Variants in HERC3 observed in about 807,000 individuals in gnomAD.
HERC3 encodes probable E3 ubiquitin-protein ligase HERC3.
HERC3 carries 58 observed loss-of-function variants against 129.9 expected under a neutral mutation model. That is an observed-to-expected ratio of 0.45 (90% confidence interval 0.36 to 0.56). The LOEUF is 0.56. Among genes scored for constraint, HERC3 ranks in the 20% least tolerant of loss-of-function variants. HERC3 has a pLI of 0.00. For missense variants in HERC3, 835 were observed against 1,244.2 expected (o/e 0.67, Z 4.95); for synonymous variants, 430 against 451.0 (o/e 0.95, Z 0.59).
intron 3 of HERC3, among the ~76,000 whole-genome samples, chr4:88,610,236 C>T (rs187420692): frequency 6.6e-6 from 1 of 152,184 alleles, no homozygotes; most frequent in Admixed American, 6.5e-5. Flanking sequence ...GGGTGGATAA[C>T]GAGGTCAGGA....
chr4:88,682,734 T>C (rs1472534735), intron 21 of HERC3, among the ~76,000 whole-genome samples: 2 of 152,182 alleles, frequency 1.3e-5, no homozygotes, highest in Non-Finnish European at 2.9e-5. Flanking sequence ...GTTGGACATT[T>C]GGGTTGATTC....
chr4:88,657,756 C>T (rs932807110), intron 9 of HERC3, among the ~76,000 whole-genome samples: 4 of 151,776 alleles, frequency 2.6e-5, no homozygotes, highest in African/African-American at 9.7e-5. Flanking sequence ...TGAGCTGTGC[C>T]TCGAAGGATG....
At chr4:88,624,300 G>C (rs1388457051) in intron 3 of HERC3, among the ~76,000 whole-genome samples, 3 of 152,156 alleles carry the variant, frequency 2.0e-5, no homozygotes, top group African/African-American at 7.2e-5. Context: ...TGAATTGCTG[G>C]TTCATATGGT....
chr4:88,664,247 G>A (rs1295649701), intron 12 of HERC3, 35 bp downstream of exon 12: 5 of 1,533,842 alleles, frequency 3.3e-6, no homozygotes, highest in South Asian at 1.1e-5. Context: ...ACCCTCACGT[G>A]TACCTGTAGT....
chr4:88,698,540 A>G (rs909717230), intron 23 of HERC3, among the ~76,000 whole-genome samples: 5 of 147,950 alleles, frequency 3.4e-5, no homozygotes, highest in Non-Finnish European at 7.5e-5. Flanking sequence ...GGCCTGTGGG[A>G]AGGACTAAAG....
the HERC3 span, among the ~76,000 whole-genome samples, chr4:88,525,925 G>A: frequency 6.6e-5 from 10 of 152,164 alleles, no homozygotes; most frequent in Admixed American, 3.9e-4. Context: ...TGTCACATAG[G>A]CCTGTGCACA....
At chr4:88,662,669 AT>A in intron 11 of HERC3, 114 bp downstream of exon 11, 1 of 1,109,620 alleles carries the variant, frequency 9.0e-7, no homozygotes, top group Non-Finnish European at 1.3e-6. Context: ...GGGGTTTTAC[AT>A]TATAGGGAAT....
the HERC3 span, among the ~76,000 whole-genome samples, chr4:88,549,414 T>C: frequency 1.3e-5 from 2 of 152,128 alleles, no homozygotes; most frequent in Non-Finnish European, 2.9e-5. Context: ...ATCACCCAAA[T>C]AGTGAACATA....
At chr4:88,536,085 C>T in the HERC3 span, among the ~76,000 whole-genome samples, 1 of 152,114 alleles carries the variant, frequency 6.6e-6, no homozygotes, top group Non-Finnish European at 1.5e-5. Flanking sequence ...CCAAAAGCTC[C>T]CAGATGATTT....
At position 88,601,273 on chromosome 4, in the gene HERC3, T is replaced by A. The variant is rs927385655; in HGVS notation, c.-29-4522T>A. 2.0e-5 allele frequency among the ~76,000 whole-genome samples: 3 copies of A among 152,196 alleles called. No individual in the cohort carries two copies. In the South Asian group the frequency reaches 6.2e-4, roughly 32 times the overall value. The stretch of plus-strand genomic sequence containing the variant: ...CAAGAGTTCAAAGCATACCTCAGGA[T>A]TACAATAAGGCAGTTTTAAAATTGG... On this transcript the variant is annotated intron_variant, in intron 2 of 25. Transcript: ENST00000402738.
At chr4:88,583,762 G>A in the HERC3 span, 1 of 152,202 alleles carries the variant, frequency 6.6e-6, no homozygotes, top group Admixed American at 6.5e-5. Flanking sequence ...GAAAGCTCTA[G>A]CCAGGGAGTA....
At chr4:88,640,787 G>A (rs1267030960) in intron 3 of HERC3, among the ~76,000 whole-genome samples, 1 of 152,128 alleles carries the variant, frequency 6.6e-6, no homozygotes, top group African/African-American at 2.4e-5. Context: ...TCCCAAATGT[G>A]TGTATACCTA....
intron 3 of HERC3, among the ~76,000 whole-genome samples, chr4:88,640,077 A>G (rs1043539000): frequency 1.3e-5 from 2 of 152,224 alleles, no homozygotes; most frequent in Admixed American, 1.3e-4. Flanking sequence ...TTGAGAAACA[A>G]TAGATGCTGG....
the HERC3 span, chr4:88,523,928 C>T: frequency 3.9e-6 from 2 of 509,126 alleles, no homozygotes; most frequent in Non-Finnish European, 6.8e-6. Context: ...GGGCAGAGGC[C>T]TCTGGTGAGT....
intron 14 of HERC3, among the ~76,000 whole-genome samples, chr4:88,669,496 G>A (rs926282744): frequency 6.6e-6 from 1 of 152,160 alleles, no homozygotes; most frequent in Admixed American, 6.6e-5. Flanking sequence ...TCAGGATTTA[G>A]TGATGGCTGA....
chr4:88,626,851 G>A, intron 3 of HERC3, among the ~76,000 whole-genome samples: 1 of 151,782 alleles, frequency 6.6e-6, no homozygotes, highest in South Asian at 2.1e-4. Context: ...TAAGTTTTTG[G>A]TTTCAATGAT....
At chr4:88,540,289 C>T in the HERC3 span, among the ~76,000 whole-genome samples, 19 of 152,202 alleles carry the variant, frequency 1.2e-4, no homozygotes, top group South Asian at 3.3e-3. Flanking sequence ...GCGAGAACTT[C>T]GTGACACACA....
At chr4:88,655,634 T>G (rs1344433931) in intron 8 of HERC3, among the ~76,000 whole-genome samples, 2 of 152,210 alleles carry the variant, frequency 1.3e-5, no homozygotes, top group Non-Finnish European at 1.5e-5. Flanking sequence ...TCTGTTCATC[T>G]TAGAGGCCAC....
chr4:88,557,192 C>T, the HERC3 span, among the ~76,000 whole-genome samples: 1 of 152,190 alleles, frequency 6.6e-6, no homozygotes, highest in Non-Finnish European at 1.5e-5. Context: ...CCTGATTATA[C>T]CTCTATCATA....
Sources: gnomAD v4.1 joint callset for allele counts (sites outside exome capture counted in the v4.1 genomes callset) on GRCh38, gnomAD v4.1.1 for gene constraint, MANE v1.5 for transcripts, NCBI Gene and HGNC (gene_info 2026-07-23, HGNC 2026-07-21) for gene names.